Variants in RASAL2 observed in about 807,000 individuals in gnomAD.
The protein encoded by RASAL2 is ras GTPase-activating protein nGAP.
A neutral mutation model predicts 128.9 loss-of-function variants in RASAL2; 58 were observed. The ratio of observed to expected loss-of-function variants is 0.45; its 90% CI spans 0.36 to 0.56. The LOEUF (loss-of-function observed/expected upper bound fraction) is 0.56, where lower values mean the gene tolerates loss of function less well. Ranked by LOEUF, RASAL2 falls within the 20% of genes least tolerant of loss-of-function variation. RASAL2 has a pLI of 0.00. For synonymous variants in RASAL2, 561 were observed against 580.8 expected, an observed-to-expected ratio of 0.97 and a Z score of 0.49; for missense variants, 1,360 against 1,601.6, an observed-to-expected ratio of 0.85 and a Z score of 2.57.
At chr1:178,443,637 G>A (rs1676814631) in intron 8 of RASAL2, among the ~76,000 whole-genome samples, 1 of 152,178 alleles carries the variant, frequency 6.6e-6, no homozygotes, top group Admixed American at 6.5e-5. Context: ...GGCACAGAAG[G>A]AAGTATTCCA....
Position 178,465,974 on chromosome 1 carries a change from C to A in RASAL2, c.3442C>A (p.Leu1148Met). The A allele has an allele frequency of 6.4e-7, 1 of 1,557,336 alleles. No individual in the cohort carries two copies. The highest frequency in any genetic ancestry group is 8.7e-7 in the Non-Finnish European group (1 of 1,149,628). ...GCGCCTGAGAGTTTCCAGCCGGCGA[C>A]TGGAGGAATATGAACGCCGCTTGCT... ...KERLRVSSRR[L>M]EEYERRLLVQ... is the part of the protein sequence containing the mutation. The change falls in exon 16 of 18, where the codon CTG becomes ATG. Residue 1148 changes from leucine to methionine, a missense_variant. Leu to Met is a conservative substitution (Grantham distance 15). This residue lies in a region of RASAL2 where 741 missense variants were observed against 868.6 expected (regional missense o/e 0.85). Coordinates refer to ENST00000367649, the MANE Select transcript of RASAL2 (RefSeq NM_170692.4).
chr1:178,469,506 T>C (rs1648065712), intron 17 of RASAL2, among the ~76,000 whole-genome samples: 1 of 152,132 alleles, frequency 6.6e-6, no homozygotes, highest in Non-Finnish European at 1.5e-5. Context: ...TCTGATTTAT[T>C]AGGACTCAAA....
chr1:178,369,815 T>A (rs6693931), intron 3 of RASAL2, among the ~76,000 whole-genome samples: 3,157 of 152,292 alleles, frequency 0.021, 91 homozygotes, highest in African/African-American at 0.069. Context: ...TAAAATTTTT[T>A]AAAAACTTAG....
At chr1:178,243,909 G>C (rs1664642037) in intron 1 of RASAL2, among the ~76,000 whole-genome samples, 2 of 152,126 alleles carry the variant, frequency 1.3e-5, no homozygotes. Context: ...TTAATCTTTT[G>C]TTATTCATAT....
chr1:178,196,737 C>G (rs1294775753), intron 1 of RASAL2, among the ~76,000 whole-genome samples: 1 of 152,110 alleles, frequency 6.6e-6, no homozygotes, highest in Non-Finnish European at 1.5e-5. Flanking sequence ...AACCGGTTCT[C>G]CACAGATACC....
At chr1:178,328,256 A>T (rs1488402224) in intron 3 of RASAL2, among the ~76,000 whole-genome samples, 2 of 151,512 alleles carry the variant, frequency 1.3e-5, no homozygotes, top group Non-Finnish European at 2.9e-5. Flanking sequence ...TTCTTTTTAA[A>T]TTTTTTTTAT....
At chr1:178,466,197 G>A in intron 16 of RASAL2, 75 bp downstream of exon 16, 2 of 1,417,946 alleles carry the variant, frequency 1.4e-6, no homozygotes, top group South Asian at 3.0e-5. Flanking sequence ...GAACCCTGAA[G>A]GAATGGCAGC....
chr1:178,141,420 T>C lies in RASAL2; in HGVS notation c.202+46726T>C, dbSNP rs148836392. Among the ~76,000 whole-genome samples the C allele has an allele frequency of 8.1e-3, 1,236 of 152,166 alleles. 10 individuals carry two copies. The highest frequency in any genetic ancestry group is 0.013 in the Non-Finnish European group (866 of 68,002). ...TGGTATTTTAATGAGCTCTCTTTAC[T>C]ACCTGATTGGCCAGATGTGAGCTGA... On this transcript the variant is annotated intron_variant, in intron 1 of 17. Coordinates refer to ENST00000367649, the MANE Select transcript of RASAL2 (RefSeq NM_170692.4).
chr1:178,348,195 T>G (rs1041136427), intron 3 of RASAL2, among the ~76,000 whole-genome samples: 26 of 152,230 alleles, frequency 1.7e-4, no homozygotes, highest in African/African-American at 3.6e-4. Flanking sequence ...TGTGGTGGTG[T>G]TGTTTTCTGA....
chr1:178,183,714 A>G (rs1662195423), intron 1 of RASAL2, among the ~76,000 whole-genome samples: 1 of 152,114 alleles, frequency 6.6e-6, no homozygotes, highest in Non-Finnish European at 1.5e-5. Context: ...CTATTGAGGG[A>G]CATTTTTGTT....
intron 1 of RASAL2, among the ~76,000 whole-genome samples, chr1:178,269,322 A>G (rs1666133871): frequency 6.6e-6 from 1 of 152,194 alleles, no homozygotes; most frequent in South Asian, 2.1e-4. Flanking sequence ...CACCGTCTAT[A>G]ATATTTTGTT....
Position 178,458,039 on chromosome 1 carries a change from G to A in RASAL2, c.2747G>A (p.Gly916Asp). ...PLHPALNQPG[G>D]LQPLSFQNPV... The stretch of plus-strand genomic sequence containing the variant: ...CACCCAGCCTTGAACCAGCCAGGTG[G>A]CCTTCAGCCCTTGTCGTTCCAGAAC... Residue 916 changes from glycine to aspartate, a missense_variant, in exon 14 of 18, where the codon GGC (glycine) becomes GAC (aspartate). Physicochemically the swap from Gly to Asp is moderately conservative, Grantham distance 94. Transcript: ENST00000367649. The A allele has an allele frequency of 6.2e-7, 1 of 1,614,160 alleles. No individual in the cohort carries two copies. Among genetic ancestry groups the A allele is most frequent in the Non-Finnish European group, 8.5e-7 (1 of 1,180,036 alleles).
chr1:178,174,003 A>G (rs1240533000), intron 1 of RASAL2, among the ~76,000 whole-genome samples: 5 of 151,458 alleles, frequency 3.3e-5, no homozygotes, highest in Admixed American at 6.6e-5. Flanking sequence ...TATGATTCAT[A>G]CTCTATGAAA....
chr1:178,252,935 C>G (rs11583144), intron 1 of RASAL2, among the ~76,000 whole-genome samples: 13,257 of 152,212 alleles, frequency 0.087, 616 homozygotes, highest in Middle Eastern at 0.14. Context: ...GTAAACCTTG[C>G]CTGGATTACC....
intron 4 of RASAL2, among the ~76,000 whole-genome samples, chr1:178,409,036 T>G (rs1674181929): frequency 6.6e-6 from 1 of 151,934 alleles, no homozygotes; most frequent in Non-Finnish European, 1.5e-5. Flanking sequence ...CTCAGGAAAT[T>G]TACAGTTATA....
At chr1:178,415,850 GCT>G (rs1181548695) in intron 4 of RASAL2, among the ~76,000 whole-genome samples, 1 of 151,936 alleles carries the variant, frequency 6.6e-6, no homozygotes, top group Admixed American at 6.6e-5. Context: ...TGTAATATCT[GCT>G]CTGTCTGAAA....
chr1:178,175,310 A>C (rs892699908), intron 1 of RASAL2, among the ~76,000 whole-genome samples: 1 of 152,016 alleles, frequency 6.6e-6, no homozygotes, highest in African/African-American at 2.4e-5. Flanking sequence ...GATACCTGCA[A>C]GGGTTTATGA....
At chr1:178,279,887 C>CT (rs1666704017) in intron 1 of RASAL2, among the ~76,000 whole-genome samples, 1 of 152,062 alleles carries the variant, frequency 6.6e-6, no homozygotes, top group Admixed American at 6.6e-5. Context: ...ATGAATGTGA[C>CT]TTTTTTGATA....
At chr1:178,149,526 A>G (rs1479469390) in intron 1 of RASAL2, among the ~76,000 whole-genome samples, 3 of 151,710 alleles carry the variant, frequency 2.0e-5, no homozygotes, top group East Asian at 1.9e-4. Flanking sequence ...TATTTGCCTC[A>G]TAGTAGTTGC....
Sources: allele counts gnomAD v4.1 joint callset (sites outside exome capture counted in the v4.1 genomes callset), GRCh38; gene constraint gnomAD v4.1.1; regional missense constraint gnomAD v4.1.1; transcripts MANE v1.5; gene names NCBI Gene and HGNC (gene_info 2026-07-23, HGNC 2026-07-21).